NFAT5: variants seen among roughly 807,000 people sequenced by gnomAD.
NFAT5 encodes nuclear factor of activated T cells 5.
In NFAT5, 31 loss-of-function variants were observed where a neutral mutation model predicts 166.5. The observed-to-expected ratio is 0.19, with a 90% confidence interval of 0.14 to 0.25. NFAT5 has a LOEUF of 0.25. Ranked by LOEUF, NFAT5 falls within the 10% of genes least tolerant of loss-of-function variation. The pLI is 1.00. For missense variants in NFAT5, 1,449 were observed against 1,821.8 expected (o/e 0.80, Z 3.72); for synonymous variants, 612 against 639.7 (o/e 0.96, Z 0.65).
intron 3 of NFAT5, among the ~76,000 whole-genome samples, chr16:69,631,874 A>G (rs1226344900): frequency 6.6e-6 from 1 of 152,176 alleles, no homozygotes; most frequent in Non-Finnish European, 1.5e-5. Flanking sequence ...GAATATCTCC[A>G]CTTGTTGGAC....
chr16:69,568,639 A>C (rs974371032), intron 2 of NFAT5, 91 bp downstream of exon 2: 2 of 980,420 alleles, frequency 2.0e-6, no homozygotes, highest in Non-Finnish European at 3.1e-6. Flanking sequence ...GAAACTTTGC[A>C]AACTCACACA....
In NFAT5 at chr16:69,692,439, C is replaced by G; in HGVS notation, c.2614C>G (p.His872Asp). Reference sequence around the variant, plus strand: ...GTTTTCCTCAACAGAGCCAACAGTCCATACCAGACCAGATAATTTATTACC... The same window carrying G: ...GTTTTCCTCAACAGAGCCAACAGTCGATACCAGACCAGATAATTTATTACC... ...GMFSSTEPTV[H>D]TRPDNLLPGR... Residue 872 changes from histidine (H) to aspartate (D), a missense_variant, in exon 13 of 15, where the codon CAT becomes GAT. Physicochemically the swap from His to Asp is moderately conservative, Grantham distance 81. Around this residue, in one of 7 missense-constraint regions of NFAT5, gnomAD observed 891 missense variants for 993.0 expected, o/e 0.90. Transcript: ENST00000349945. 6.2e-7 allele frequency: 1 copy of G among 1,614,196 alleles called. No homozygotes were observed. Among genetic ancestry groups the G allele is most frequent in the South Asian group, 1.1e-5 (1 of 91,082 alleles).
At chr16:69,639,036 T>C (rs1199571088) in intron 3 of NFAT5, among the ~76,000 whole-genome samples, 1 of 152,208 alleles carries the variant, frequency 6.6e-6, no homozygotes, top group Non-Finnish European at 1.5e-5. Flanking sequence ...TATTCCCTTT[T>C]GTGTTTAAAT....
At chr16:69,577,518 G>A (rs1357372764) in intron 2 of NFAT5, among the ~76,000 whole-genome samples, 2 of 152,062 alleles carry the variant, frequency 1.3e-5, no homozygotes, top group East Asian at 3.9e-4. Context: ...GAAGGTTGTG[G>A]TGCTTGAACG....
intron 2 of NFAT5, among the ~76,000 whole-genome samples, chr16:69,610,552 G>T (rs947211394): frequency 6.6e-6 from 1 of 152,130 alleles, no homozygotes; most frequent in African/African-American, 2.4e-5. Context: ...CCTAACCTCA[G>T]TGTTACTCTA....
intron 2 of NFAT5, among the ~76,000 whole-genome samples, chr16:69,594,598 T>C (rs1567526633): frequency 6.6e-6 from 1 of 152,204 alleles, no homozygotes; most frequent in African/African-American, 2.4e-5. Flanking sequence ...CACTGTCATA[T>C]ATGTGATCCA....
intron 2 of NFAT5, among the ~76,000 whole-genome samples, chr16:69,619,476 CAT>C (rs911885856): frequency 5.3e-5 from 8 of 152,182 alleles, no homozygotes; most frequent in South Asian, 2.1e-4. Flanking sequence ...TCTCTTATCA[CAT>C]GTGTTTTTCT....
chr16:69,704,521 A>G lies in NFAT5; in HGVS notation c.*8170A>G, dbSNP rs2037950430. 6.6e-6 allele frequency: 1 copy of G among 152,606 alleles called. No individual in the cohort carries two copies. Among genetic ancestry groups the G allele is most frequent in the Admixed American group, 6.5e-5 (1 of 15,278 alleles). 9.5% of individuals were successfully genotyped at this position (152,606 alleles called of 1,614,324 possible). A position where few individuals can be genotyped will look rare whatever the true frequency, so the allele number is the denominator to read the frequency against. ...TGTTCTCTGGGGGAATTTCATTTGCATCTATGTTTTTAGCTATCTGTGATA... is the reference window on the plus strand; with the variant it reads ...TGTTCTCTGGGGGAATTTCATTTGCGTCTATGTTTTTAGCTATCTGTGATA... On this transcript the variant is annotated 3_prime_UTR_variant, in exon 15 of 15. Coordinates refer to ENST00000349945, the MANE Select transcript of NFAT5 (RefSeq NM_138713.4).
At chr16:69,606,534 T>TA (rs1567535564) in intron 2 of NFAT5, among the ~76,000 whole-genome samples, 2 of 152,176 alleles carry the variant, frequency 1.3e-5, no homozygotes, top group Non-Finnish European at 2.9e-5. Flanking sequence ...TCCAAGTACT[T>TA]ACTATAGGAA....
At chr16:69,616,977 C>T (rs1479786751) in intron 2 of NFAT5, among the ~76,000 whole-genome samples, 1 of 146,160 alleles carries the variant, frequency 6.8e-6, no homozygotes, top group Non-Finnish European at 1.5e-5. Context: ...TGGAGTCTGG[C>T]TCTGTCACCC....
intron 11 of NFAT5, chr16:69,690,453 T>C (rs1323599621): frequency 6.6e-6 from 1 of 152,228 alleles, no homozygotes; most frequent in Non-Finnish European, 1.5e-5. Flanking sequence ...CACTGGGTGG[T>C]ATTTTCTAAT....
intron 9 of NFAT5, among the ~76,000 whole-genome samples, chr16:69,671,384 G>A (rs1021406421): frequency 6.6e-6 from 1 of 152,056 alleles, no homozygotes; most frequent in African/African-American, 2.4e-5. Context: ...TGTTGTTGTT[G>A]TTCTTTTAAG....
chr16:69,588,949 G>A (rs2032274612), intron 2 of NFAT5, among the ~76,000 whole-genome samples: 1 of 143,312 alleles, frequency 7.0e-6, no homozygotes, highest in South Asian at 2.3e-4. Context: ...GTCCTTCTTG[G>A]TGTTGGACCC....
At chr16:69,646,490 A>G in intron 3 of NFAT5, 1 of 1,108,730 alleles carries the variant, frequency 9.0e-7, no homozygotes, top group Non-Finnish European at 1.2e-6. Flanking sequence ...CTCTTTTCTC[A>G]TTTATTTTCT....
At position 69,692,665 on chromosome 16, in the gene NFAT5, C is replaced by T. The variant is rs773363517; in HGVS notation, c.2840C>T (p.Ser947Leu). 6.2e-6 allele frequency: 10 copies of T among 1,614,190 alleles called. No homozygotes were observed. Among genetic ancestry groups the T allele is most frequent in the African/African-American group, 1.3e-5 (1 of 75,038 alleles). The change falls in exon 13 of 15, where the codon TCG becomes TTG. Residue 947 changes from serine to leucine, a missense_variant. Transcript: ENST00000349945. The stretch of plus-strand genomic sequence containing the variant: ...TCAGCAAATGGAAACCTTCAGCAAT[C>T]GCCAGTTTACCAGCAGACTTCTCAC... ...TASANGNLQQSPVYQQTSHMM... is the reference protein window; with the variant it reads ...TASANGNLQQLPVYQQTSHMM...
At chr16:69,663,600 T>C (rs796473972) in intron 7 of NFAT5, among the ~76,000 whole-genome samples, 20 of 147,200 alleles carry the variant, frequency 1.4e-4, no homozygotes, top group African/African-American at 4.3e-4. Flanking sequence ...CCAGGTGCAG[T>C]TGTACACGCC....
intron 6 of NFAT5, among the ~76,000 whole-genome samples, chr16:69,659,259 T>C (rs1024463094): frequency 1.3e-4 from 20 of 151,888 alleles, no homozygotes; most frequent in Non-Finnish European, 2.5e-4. Flanking sequence ...CTGGCCAACA[T>C]GGTGTAACCC....
At chr16:69,670,882 T>TAC (rs1179108248) in intron 9 of NFAT5, among the ~76,000 whole-genome samples, 2 of 152,152 alleles carry the variant, frequency 1.3e-5, no homozygotes, top group African/African-American at 4.8e-5. Flanking sequence ...AGAGGTAGTA[T>TAC]GTACAGGTGT....
chr16:69,590,472 T>C (rs72801320), intron 2 of NFAT5, among the ~76,000 whole-genome samples: 8,975 of 152,328 alleles, frequency 0.059, 290 homozygotes, highest in Middle Eastern at 0.11. Flanking sequence ...GTATTTGTAT[T>C]GTTAAAATAA....
Sources: allele counts gnomAD v4.1 joint callset (sites outside exome capture counted in the v4.1 genomes callset), GRCh38; gene constraint gnomAD v4.1.1; regional missense constraint gnomAD v4.1.1; transcripts MANE v1.5; gene names NCBI Gene and HGNC (gene_info 2026-07-23, HGNC 2026-07-21).